The following PPM1H variants were observed in gnomAD, a reference collection of about 807,000 sequenced individuals.
PPM1H encodes the protein protein phosphatase, Mg2+/Mn2+ dependent 1H, also known as protein phosphatase 1H.
PPM1H carries 27 observed loss-of-function variants against 54.9 expected under a neutral mutation model. The ratio of observed to expected loss-of-function variants is 0.49; its 90% CI spans 0.36 to 0.68. The LOEUF (loss-of-function observed/expected upper bound fraction) is 0.68. PPM1H is among the 30% of genes least tolerant of loss of function. PPM1H has a pLI of 0.00. For missense variants in PPM1H, 596 were observed against 667.8 expected, an observed-to-expected ratio of 0.89 and a Z score of 1.19; for synonymous variants, 305 against 270.8, an observed-to-expected ratio of 1.13 and a Z score of -1.24.
chr12:62,658,182 A>ATTTTTTTTTTTTTTTTTT lies in PPM1H; in HGVS notation c.1397+8978_1397+8995dup, dbSNP rs1173229360. On this transcript the variant is annotated intron_variant, in intron 9 of 9. Coordinates refer to ENST00000228705, the MANE Select transcript of PPM1H (RefSeq NM_020700.2). Reference sequence around the variant, plus strand: ...GAGACCAGCCTGGGTAACACGGTGAATTTTTTTTTTTTTTTTTTTTTTTTT... The same window carrying ATTTTTTTTTTTTTTTTTT: ...GAGACCAGCCTGGGTAACACGGTGAATTTTTTTTTTTTTTTTTTTTTTTTTTTTTTTTTTTTTTTTTTT... Among the ~76,000 whole-genome samples, 13 of 87,534 alleles carry ATTTTTTTTTTTTTTTTTT rather than the reference A, an allele frequency of 1.5e-4. 1 individual carries two copies. The highest frequency in any genetic ancestry group is 5.8e-4 in the African/African-American group (13 of 22,354). The allele number at this position is 87,534 out of a possible 152,430, so 57.4% of individuals were successfully genotyped here.
intron 1 of PPM1H, among the ~76,000 whole-genome samples, chr12:62,879,700 A>T (rs574297627): frequency 7.2e-4 from 110 of 152,270 alleles, no homozygotes; most frequent in African/African-American, 2.4e-3. Context: ...GACATGGCAC[A>T]TGTATAACTA....
intron 2 of PPM1H, among the ~76,000 whole-genome samples, chr12:62,818,496 C>T (rs1316860661): frequency 6.6e-6 from 1 of 152,206 alleles, no homozygotes; most frequent in Non-Finnish European, 1.5e-5. Context: ...TTGTCCTCAA[C>T]AAGCTTACAG....
intron 4 of PPM1H, among the ~76,000 whole-genome samples, chr12:62,772,761 A>G (rs2076586711): frequency 6.6e-6 from 1 of 152,198 alleles, no homozygotes; most frequent in Non-Finnish European, 1.5e-5. Flanking sequence ...GGGGAGGATT[A>G]GAGACAGGAA....
intron 2 of PPM1H, among the ~76,000 whole-genome samples, chr12:62,821,809 G>A (rs2076904684): frequency 6.6e-6 from 1 of 152,204 alleles, no homozygotes; most frequent in Non-Finnish European, 1.5e-5. Flanking sequence ...GCAAAAACAT[G>A]CCAAATTGTA....
intron 1 of PPM1H, among the ~76,000 whole-genome samples, chr12:62,865,517 T>G (rs1020600368): frequency 1.3e-5 from 2 of 152,178 alleles, no homozygotes; most frequent in African/African-American, 4.8e-5. Flanking sequence ...TCTGGATCAT[T>G]TTTTCTGGCC....
At chr12:62,691,786 G>C (rs967233006) in intron 7 of PPM1H, among the ~76,000 whole-genome samples, 29 of 146,288 alleles carry the variant, frequency 2.0e-4, no homozygotes, top group Non-Finnish European at 3.7e-4. Context: ...TTGTGCCACC[G>C]TACTCCAGCC....
chr12:62,773,483 T>G (rs2076590859), intron 4 of PPM1H, among the ~76,000 whole-genome samples: 1 of 152,044 alleles, frequency 6.6e-6, no homozygotes, highest in Non-Finnish European at 1.5e-5. Context: ...TCTAAAAATT[T>G]TTTTTAATAA....
At chr12:62,687,232 T>A (rs948203660) in intron 8 of PPM1H, among the ~76,000 whole-genome samples, 1 of 152,192 alleles carries the variant, frequency 6.6e-6, no homozygotes, top group Non-Finnish European at 1.5e-5. Flanking sequence ...GTTCAATCAT[T>A]CTGCTCATGG....
chr12:62,767,090 G>T (rs556961353), intron 4 of PPM1H, among the ~76,000 whole-genome samples: 1 of 152,180 alleles, frequency 6.6e-6, no homozygotes, highest in Non-Finnish European at 1.5e-5. Context: ...AGCTCCTGAC[G>T]CTCTGCAGAG....
Position 62,856,696 on chromosome 12 carries a change from T to C in PPM1H, c.246-24417A>G, listed in dbSNP as rs534051037. On this transcript the variant is annotated intron_variant, in intron 1 of 9. Transcript: ENST00000228705. ...ATAAATATGTACAACTATGTGTCAA[T>C]TTTAAAAATTAAAAATTAAAAGAGG... Among the ~76,000 whole-genome samples, 9 of 152,310 alleles carry C rather than the reference T, an allele frequency of 5.9e-5. No homozygotes were observed. In the East Asian group the frequency reaches 1.7e-3, roughly 29 times the overall value.
At chr12:62,707,497 T>C (rs2076182341) in intron 6 of PPM1H, among the ~76,000 whole-genome samples, 3 of 152,182 alleles carry the variant, frequency 2.0e-5, no homozygotes, top group Admixed American at 2.0e-4. Flanking sequence ...TGCAAACTGT[T>C]ATTCATATCC....
intron 1 of PPM1H, among the ~76,000 whole-genome samples, chr12:62,925,378 A>G (rs931282287): frequency 2.0e-5 from 3 of 152,172 alleles, no homozygotes; most frequent in African/African-American, 7.2e-5. Context: ...CAGGAGTTCA[A>G]GACCAGCCTG....
At chr12:62,809,065 T>C (rs1032645014) in intron 2 of PPM1H, among the ~76,000 whole-genome samples, 8 of 152,198 alleles carry the variant, frequency 5.3e-5, no homozygotes, top group Admixed American at 3.3e-4. Flanking sequence ...GTACCTTTAT[T>C]TTATTTTTCT....
At chr12:62,696,275 C>A (rs1243257402) in intron 6 of PPM1H, among the ~76,000 whole-genome samples, 1 of 152,106 alleles carries the variant, frequency 6.6e-6, no homozygotes, top group Non-Finnish European at 1.5e-5. Context: ...GAGTTGTTAC[C>A]CACAGGACCA....
In PPM1H at chr12:62,847,616, G is replaced by A. The variant is rs2120919807; in HGVS notation, c.246-15337C>T. On this transcript the variant is annotated intron_variant, in intron 1 of 9. Coordinates refer to ENST00000228705, the MANE Select transcript of PPM1H (RefSeq NM_020700.2). ...GCTAAGAGGTAAAAGACAACAAGAA[G>A]TAGCAAATTTTTGCCAGTTATGACC... 2.0e-5 allele frequency among the ~76,000 whole-genome samples: 3 copies of A among 152,314 alleles called. No homozygotes were observed. The Middle Eastern group carries it at 0.01, about 518-fold the overall frequency.
intron 1 of PPM1H, among the ~76,000 whole-genome samples, chr12:62,858,364 C>T (rs1473473195): frequency 6.6e-6 from 1 of 152,148 alleles, no homozygotes; most frequent in Non-Finnish European, 1.5e-5. Flanking sequence ...CTAAGCCTTT[C>T]CCTAGGGTTT....
intron 1 of PPM1H, among the ~76,000 whole-genome samples, chr12:62,885,357 T>C (rs936940945): frequency 1.6e-4 from 24 of 152,160 alleles, no homozygotes; most frequent in African/African-American, 5.6e-4. Flanking sequence ...AACAGGGCTC[T>C]TCCCTGTTGC....
At chr12:62,749,349 G>A (rs1210656418) in intron 4 of PPM1H, among the ~76,000 whole-genome samples, 1 of 152,216 alleles carries the variant, frequency 6.6e-6, no homozygotes, top group East Asian at 1.9e-4. Context: ...AGGTGACAAA[G>A]AGAAACCATT....
At chr12:62,833,865 G>A (rs1280590539) in intron 1 of PPM1H, among the ~76,000 whole-genome samples, 4 of 150,014 alleles carry the variant, frequency 2.7e-5, no homozygotes, top group Non-Finnish European at 5.9e-5. Flanking sequence ...AGCATATTAA[G>A]CCATCTATCT....
Sources: gnomAD v4.1 joint callset for allele counts (sites outside exome capture counted in the v4.1 genomes callset) on GRCh38, gnomAD v4.1.1 for gene constraint, MANE v1.5 for transcripts, NCBI Gene and HGNC (gene_info 2026-07-23, HGNC 2026-07-21) for gene names.